The following POLR3C variants were observed in gnomAD, a reference collection of about 807,000 sequenced individuals.
POLR3C encodes DNA-directed RNA polymerase III subunit RPC3.
POLR3C carries 44 observed loss-of-function variants against 65.9 expected under a neutral mutation model. The ratio of observed to expected loss-of-function variants is 0.67; its 90% CI spans 0.52 to 0.86. The LOEUF (loss-of-function observed/expected upper bound fraction) is 0.86, where lower values mean the gene tolerates loss of function less well. POLR3C is among the 40% of genes least tolerant of loss of function. The pLI, the probability that POLR3C is intolerant of heterozygous loss-of-function variation, is 0.00. For synonymous variants in POLR3C, 263 were observed against 231.6 expected (o/e 1.14, Z -1.23); for missense variants, 576 against 653.2 (o/e 0.88, Z 1.29).
In POLR3C at chr1:145,838,168, C is replaced by G. The variant is rs1245720457; in HGVS notation, c.1183C>G (p.Leu395Val). ...TCCTGCAAAGGAGGCAAAGGATATG[C>G]TATATAAGATGCTCTCAGAAAATTT... ...MIPAKEAKDM[L>V]YKMLSENFMS... Residue 395 changes from leucine (L) to valine (V), a missense_variant, in exon 11 of 15, where the codon CTA becomes GTA. Transcript: ENST00000334163. The G allele has an allele frequency of 6.2e-7, 1 of 1,613,622 alleles. No individual in the cohort carries two copies. The highest frequency in any genetic ancestry group is 8.5e-7 in the Non-Finnish European group (1 of 1,179,608).
intron 5 of POLR3C, among the ~76,000 whole-genome samples, chr1:145,831,530 AAG>A (rs1372342662): frequency 1.7e-4 from 25 of 151,306 alleles, no homozygotes; most frequent in African/African-American, 5.4e-4. Context: ...AAAAAAAAAA[AAG>A]AGAGAGTTCT....
intron 1 of POLR3C, chr1:145,824,604 G>A (rs2101625318): frequency 9.9e-7 from 1 of 1,006,358 alleles, no homozygotes. Flanking sequence ...TGGCTTCTTA[G>A]GAATTGGAAG....
chr1:145,825,316 T>C (rs1650634646), intron 1 of POLR3C, among the ~76,000 whole-genome samples: 1 of 152,144 alleles, frequency 6.6e-6, no homozygotes, highest in South Asian at 2.1e-4. Context: ...TTTCACTATA[T>C]TGGCCAGGCT....
At chr1:145,831,048 A>G in intron 5 of POLR3C, among the ~76,000 whole-genome samples, 1 of 152,056 alleles carries the variant, frequency 6.6e-6, no homozygotes, top group East Asian at 1.9e-4. Context: ...TCAGTGAGCC[A>G]TGATGGTGCC....
At chr1:145,833,624 G>C (rs762435631) in intron 7 of POLR3C, 42 bp downstream of exon 7, 1 of 1,306,938 alleles carries the variant, frequency 7.7e-7, no homozygotes, top group Non-Finnish European at 1.1e-6. Flanking sequence ...ACAGATTCTT[G>C]GGTGTTATCA....
At chr1:145,835,596 A>T (rs1238773245) in intron 7 of POLR3C, among the ~76,000 whole-genome samples, 1 of 151,762 alleles carries the variant, frequency 6.6e-6, no homozygotes, top group Non-Finnish European at 1.5e-5. Context: ...TTTTTGTGAC[A>T]GAGTCTTGTA....
At chr1:145,841,220 T>C in intron 14 of POLR3C, 149 bp downstream of exon 14, 1 of 681,144 alleles carries the variant, frequency 1.5e-6, no homozygotes, top group East Asian at 2.5e-5. Flanking sequence ...CCTATTTTTG[T>C]AAACTAGCAA....
At chr1:145,827,304 T>G (rs1436554497) in intron 4 of POLR3C, among the ~76,000 whole-genome samples, 5 of 152,180 alleles carry the variant, frequency 3.3e-5, no homozygotes, top group Non-Finnish European at 7.3e-5. Context: ...CACATCAGTA[T>G]ATAATTAAAC....
In POLR3C at chr1:145,825,685, A is replaced by G. The variant is rs890647109; in HGVS notation, c.-20-72A>G. ...AATTGCCCTCCAGAAAGAATACATG[A>G]ATTTACACTCAGCAGCTCTGCTTCC... On this transcript the variant is annotated intron_variant, in intron 1 of 14. Coordinates refer to ENST00000334163, the MANE Select transcript of POLR3C (RefSeq NM_006468.8). 1.1e-5 allele frequency: 10 copies of G among 898,944 alleles called. No individual in the cohort carries two copies. In the East Asian group the frequency reaches 2.6e-4, roughly 24 times the overall value. The allele number at this position is 898,944 out of a possible 1,614,324, so 55.7% of individuals were successfully genotyped here. A position where few individuals can be genotyped will look rare whatever the true frequency, so the allele number is the denominator to read the frequency against.
At chr1:145,828,483 C>CT (rs1414589509) in intron 4 of POLR3C, among the ~76,000 whole-genome samples, 1 of 152,164 alleles carries the variant, frequency 6.6e-6, no homozygotes, top group African/African-American at 2.4e-5. Flanking sequence ...ATCTGTGTGT[C>CT]TGACTTGCAC....
intron 5 of POLR3C, among the ~76,000 whole-genome samples, chr1:145,829,605 A>C (rs978935908): frequency 6.6e-6 from 1 of 152,210 alleles, no homozygotes; most frequent in Non-Finnish European, 1.5e-5. Flanking sequence ...AAGAAATCCA[A>C]GGTACGGGCT....
At chr1:145,838,269 C>G in intron 11 of POLR3C, 63 bp downstream of exon 11, 1 of 1,353,598 alleles carries the variant, frequency 7.4e-7, no homozygotes, top group Non-Finnish European at 1.0e-6. Flanking sequence ...AGAGAAGCTT[C>G]TTAGGCAAAC....
chr1:145,839,132 G>T (rs1052214993), intron 11 of POLR3C, among the ~76,000 whole-genome samples: 4 of 152,054 alleles, frequency 2.6e-5, no homozygotes, highest in Middle Eastern at 3.2e-3. Context: ...TTAGCTGGGC[G>T]TGGTGCCGTG....
At chr1:145,824,757 C>T (rs1650560665) in intron 1 of POLR3C, among the ~76,000 whole-genome samples, 1 of 152,182 alleles carries the variant, frequency 6.6e-6, no homozygotes, top group African/African-American at 2.4e-5. Flanking sequence ...GTAACCTCAT[C>T]TCCTGTTTGA....
chr1:145,840,638 T>C (rs1368651782), intron 13 of POLR3C, among the ~76,000 whole-genome samples: 1 of 152,182 alleles, frequency 6.6e-6, no homozygotes, highest in Admixed American at 6.5e-5. Context: ...AAATCATGCA[T>C]TAGTCTACAC....
Position 145,840,166 on chromosome 1 carries a change from G to GT in POLR3C, c.1373+2dup. 1 of 1,569,286 alleles carries GT rather than the reference G, an allele frequency of 6.4e-7. No individual in the cohort carries two copies. The highest frequency in any genetic ancestry group is 8.8e-7 in the Non-Finnish European group (1 of 1,139,120). On this transcript the variant is annotated splice_donor_variant, in intron 13 of 14. Coordinates refer to ENST00000334163, the MANE Select transcript of POLR3C (RefSeq NM_006468.8). LOFTEE classifies it high-confidence loss of function. ...GGCAATTTGAAACCAAAGAGAATAA[G>GT]TAAGTAACATTTTCAGTTGAGTTAT...
intron 9 of POLR3C, 105 bp downstream of exon 9, chr1:145,836,971 T>C (rs1651903313): frequency 1.7e-6 from 1 of 600,394 alleles, no homozygotes; most frequent in South Asian, 2.3e-5. Flanking sequence ...CTAAATAAAT[T>C]AGAAAATTGA....
At chr1:145,836,695 A>AT (rs1651878679) in intron 8 of POLR3C, 120 bp from the exon 9 acceptor site, 3 of 932,724 alleles carry the variant, frequency 3.2e-6, no homozygotes, top group Non-Finnish European at 5.3e-6. Context: ...AGCCCAGACA[A>AT]TTTCTCCACA....
At chr1:145,835,686 T>G (rs1326200334) in intron 7 of POLR3C, among the ~76,000 whole-genome samples, 1 of 152,008 alleles carries the variant, frequency 6.6e-6, no homozygotes, top group Non-Finnish European at 1.5e-5. Flanking sequence ...GGCATTCTCC[T>G]GCTCATCCTT....
Sources: gnomAD v4.1 joint callset for allele counts (sites outside exome capture counted in the v4.1 genomes callset) on GRCh38, gnomAD v4.1.1 for gene constraint, MANE v1.5 for transcripts, NCBI Gene and HGNC (gene_info 2026-07-23, HGNC 2026-07-21) for gene names.